The following MAN2C1 variants were observed in gnomAD, a reference collection of about 807,000 sequenced individuals.
MAN2C1 encodes mannosidase alpha class 2C member 1.
Under a neutral mutation model 126.9 loss-of-function variants are expected in MAN2C1, and 111 were observed. The observed-to-expected ratio is 0.87, with a 90% CI of 0.75 to 1.02. MAN2C1 has a LOEUF of 1.02. Among genes scored for constraint, MAN2C1 ranks in the 50% least tolerant of loss-of-function variants. The probability of loss-of-function intolerance (pLI) is 0.00; values close to 1 mark genes in which losing one functional copy is unlikely to be tolerated. For missense variants in MAN2C1, 1,363 were observed against 1,364.4 expected, an observed-to-expected ratio of 1.00 and a Z score of 0.02; for synonymous variants, 567 against 561.5, an observed-to-expected ratio of 1.01 and a Z score of -0.14.
chr15:75,362,819 G>T lies in MAN2C1; in HGVS notation c.791-71C>A. ...CCAGGCCTGGGCTGGGACTCCAGAG[G>T]GTCACCTAGCCCCCCTCCCATCCCA... On this transcript the variant is annotated intron_variant, in intron 6 of 25. Transcript: ENST00000267978. The surrounding 1 kb of genome is among the most constrained non-coding windows in gnomAD (Gnocchi z 4.5). 7.6e-7 allele frequency: 1 copy of T among 1,310,392 alleles called. No individual in the cohort carries two copies. The highest frequency in any genetic ancestry group is 1.1e-6 in the Non-Finnish European group (1 of 913,480). 81.2% of individuals were successfully genotyped at this position (1,310,392 alleles called of 1,614,324 possible). A position where few individuals can be genotyped will look rare whatever the true frequency, so the allele number is the denominator to read the frequency against.
At position 75,362,087 on chromosome 15, in the gene MAN2C1, C is replaced by A; in HGVS notation, c.1009-140G>T. 1 of 721,574 alleles carries A rather than the reference C, an allele frequency of 1.4e-6. No individual in the cohort carries two copies. Among genetic ancestry groups the A allele is most frequent in the East Asian group, 2.6e-5 (1 of 38,218 alleles). The allele number at this position is 721,574 out of a possible 1,614,324, so 44.7% of individuals were successfully genotyped here. ...TACAGCCAGAACTCAGGAAGGGCCC[C>A]TGTCCTTCAGGCCTGACTGTCCATC... On this transcript the variant is annotated intron_variant, in intron 8 of 25. Coordinates refer to ENST00000267978, the MANE Select transcript of MAN2C1 (RefSeq NM_006715.4). This position sits in a 1 kb window ranked among gnomAD's most constrained non-coding sequence, Gnocchi z 4.5.
rs556231443 is a variant in MAN2C1 at position 75,362,754 on chromosome 15, C to A, written c.791-6G>T. ...TTTGAAGGGCCAAAGCCAGGCTATA[C>A]GGGGAGTGAGGTGGAGGACAGAGGG... is the stretch of plus-strand genomic sequence containing the variant. On this transcript the variant is annotated splice_polypyrimidine_tract_variant and splice_region_variant and intron_variant, in intron 6 of 25. Coordinates refer to ENST00000267978, the MANE Select transcript of MAN2C1 (RefSeq NM_006715.4). The surrounding 1 kb of genome is among the most constrained non-coding windows in gnomAD (Gnocchi z 4.5). 2 of 1,613,138 alleles carry A rather than the reference C, an allele frequency of 1.2e-6. No individual in the cohort carries two copies. The highest frequency in any genetic ancestry group is 1.1e-5 in the South Asian group (1 of 91,038).
At position 75,362,467 on chromosome 15, in the gene MAN2C1, G is replaced by A; in HGVS notation, c.898-14C>T. The stretch of plus-strand genomic sequence containing the variant: ...CAGCTGCTGCGCCTGTGGGCAGGTT[G>A]AAGGGAGCTGGGACCAGAGTGACAA... On this transcript the variant is annotated splice_polypyrimidine_tract_variant and intron_variant, in intron 7 of 25. Coordinates refer to ENST00000267978, the MANE Select transcript of MAN2C1 (RefSeq NM_006715.4). The surrounding 1 kb of genome is among the most constrained non-coding windows in gnomAD (Gnocchi z 4.5). 4 of 1,593,956 alleles carry A rather than the reference G, an allele frequency of 2.5e-6. No homozygotes were observed. The highest frequency in any genetic ancestry group is 3.4e-6 in the Non-Finnish European group (4 of 1,170,106).
chr15:75,358,404 T>C (rs1401922726), intron 20 of MAN2C1, 58 bp downstream of exon 20: 1 of 1,613,024 alleles, frequency 6.2e-7, no homozygotes, highest in African/African-American at 1.3e-5. Context: ...GGCCTGGGGC[T>C]GGCCCCTCCT....
chr15:75,356,055 A>G lies in MAN2C1; in HGVS notation c.2997-23T>C. ...CAGCTGGAGAACAGGAGGGGCCATG[A>G]AGGCTCTGCGAGGGCGAGACTCGAC... On this transcript the variant is annotated intron_variant, in intron 25 of 25. Transcript: ENST00000267978. This position sits in a 1 kb window ranked among gnomAD's most constrained non-coding sequence, Gnocchi z 5.8. 6.2e-7 allele frequency: 1 copy of G among 1,613,780 alleles called. No homozygotes were observed. Among genetic ancestry groups the G allele is most frequent in the Non-Finnish European group, 8.5e-7 (1 of 1,179,866 alleles).
chr15:75,365,678 A>G, intron 4 of MAN2C1: 1 of 209,756 alleles, frequency 4.8e-6, no homozygotes, highest in South Asian at 5.3e-5. Context: ...GTGAGCCGAG[A>G]TCGTGCCATT....
intron 21 of MAN2C1, 187 bp from the exon 22 acceptor site, chr15:75,357,089 C>T (rs1160440020): frequency 3.4e-5 from 20 of 596,186 alleles, no homozygotes; most frequent in East Asian, 2.2e-4. Context: ...ATCTGTGAAA[C>T]GGGAATAAAT....
chr15:75,358,821 G>A lies in MAN2C1; in HGVS notation c.2142-13C>T. 1 of 1,603,176 alleles carries A rather than the reference G, an allele frequency of 6.2e-7. No homozygotes were observed. The highest frequency in any genetic ancestry group is 8.5e-7 in the Non-Finnish European group (1 of 1,171,212). ...AGCAATGGCCTCCCTGGAAGGACAT[G>A]GGATTGGTGCTGTACAACCAACTGA... On this transcript the variant is annotated splice_polypyrimidine_tract_variant and intron_variant, in intron 18 of 25. Transcript: ENST00000267978.
chr15:75,362,700 C>T lies in MAN2C1; in HGVS notation c.839G>A (p.Trp280Ter), dbSNP rs1423954659. Residue 280 changes from tryptophan to a stop codon, truncating the protein, a stop_gained, in exon 7 of 26, where the codon TGG becomes TAG. Coordinates refer to ENST00000267978, the MANE Select transcript of MAN2C1 (RefSeq NM_006715.4). LOFTEE classifies it high-confidence loss of function. The surrounding 1 kb of genome is among the most constrained non-coding windows in gnomAD (Gnocchi z 4.5). ...CTCCATGAGCTGCAGGGCGGTCACC[C>T]AGCTCCGGGCACATTTCCTCACAGT... is the stretch of plus-strand genomic sequence containing the variant. ...KETVRKCARS[W>*]VTALQLMERN... is the part of the protein sequence containing the mutation. 1 of 1,614,024 alleles carries T rather than the reference C, an allele frequency of 6.2e-7. No homozygotes were observed. The highest frequency in any genetic ancestry group is 1.3e-5 in the African/African-American group (1 of 74,936).
Position 75,358,581 on chromosome 15 carries a change from C to A in MAN2C1, c.2284G>T (p.Gly762Cys). The A allele has an allele frequency of 1.2e-6, 2 of 1,613,372 alleles. No individual in the cohort carries two copies. The highest frequency in any genetic ancestry group is 1.7e-6 in the Non-Finnish European group (2 of 1,179,988). The change falls in exon 20 of 26, where the codon GGC becomes TGC. Residue 762 changes from glycine (G) to cysteine (C), a missense_variant. Transcript: ENST00000267978. ...VLGQAGTLAV[G>C]TEGGLRGSAW... is the part of the protein sequence containing the mutation. ...CTGCCCCGCAGGCCGCCCTCGGTGC[C>A]CACTGCCAGGGTCCCTGCCTGGCCC... is the stretch of plus-strand genomic sequence containing the variant.
At chr15:75,367,433 A>C in intron 3 of MAN2C1, 78 bp downstream of exon 3, 1 of 1,544,972 alleles carries the variant, frequency 6.5e-7, no homozygotes. Flanking sequence ...TGGCTTCTCC[A>C]GAGTCCACAG....
intron 6 of MAN2C1, chr15:75,363,172 G>GTTCC: frequency 2.2e-6 from 1 of 457,622 alleles, no homozygotes; most frequent in Non-Finnish European, 4.4e-6. Context: ...CCAGGCTGCA[G>GTTCC]TTCCTCCCTT....
Position 75,356,133 on chromosome 15 carries a change from C to T in MAN2C1, c.2973G>A (p.Ser991=), listed in dbSNP as rs775597447. The T allele has an allele frequency of 1.1e-5, 17 of 1,613,756 alleles. No homozygotes were observed. Among genetic ancestry groups the T allele is most frequent in the Admixed American group, 5.0e-5 (3 of 60,028 alleles). Residue 991 remains serine (S), a synonymous_variant, in exon 25 of 26, where the codon TCG becomes TCA. Coordinates refer to ENST00000267978, the MANE Select transcript of MAN2C1 (RefSeq NM_006715.4). The surrounding 1 kb of genome is among the most constrained non-coding windows in gnomAD (Gnocchi z 5.8). ...GSHVDCWLHL[S]LPVQEAILCD... is the part of the protein sequence containing the mutation. ...ACAGGATGGCCTCCTGAACCGGCAGCGACAAGTGCAGCCAGCAGTCCACGT... is the reference window on the plus strand; with the variant it reads ...ACAGGATGGCCTCCTGAACCGGCAGTGACAAGTGCAGCCAGCAGTCCACGT...
In MAN2C1 at chr15:75,364,282, AC is replaced by A; in HGVS notation, c.601-95del. 2.2e-6 allele frequency: 3 copies of A among 1,378,014 alleles called. No homozygotes were observed. The South Asian group carries it at 4.5e-5, about 20-fold the overall frequency. The allele number at this position is 1,378,014 out of a possible 1,614,324, so 85.4% of individuals were successfully genotyped here. On this transcript the variant is annotated intron_variant, in intron 5 of 25. Coordinates refer to ENST00000267978, the MANE Select transcript of MAN2C1 (RefSeq NM_006715.4). Reference sequence around the variant, plus strand: ...CAGGGCTCTCAGCAGAGCTCCCCTGACCCCCAACCCTTTTTCCCTGCTGGTC... The same window carrying A: ...CAGGGCTCTCAGCAGAGCTCCCCTGACCCCAACCCTTTTTCCCTGCTGGTC...
At position 75,356,539 on chromosome 15, in the gene MAN2C1, T is replaced by G; in HGVS notation, c.2737+67A>C. 6.4e-7 allele frequency: 1 copy of G among 1,550,906 alleles called. No homozygotes were observed. ...GGGCAGGAAGCCAGGTTGCTGGGGT[T>G]TGGGCTCAGGGAAGGGCAGAGAGGT... On this transcript the variant is annotated intron_variant, in intron 23 of 25. Transcript: ENST00000267978. This position sits in a 1 kb window ranked among gnomAD's most constrained non-coding sequence, Gnocchi z 5.8.
chr15:75,357,621 T>TG (rs1231370736), intron 21 of MAN2C1: 1 of 143,928 alleles, frequency 6.9e-6, no homozygotes, highest in Non-Finnish European at 1.5e-5. Context: ...TTTTGTATTT[T>TG]TTTTTTTTTT....
rs1316174597 is a variant in MAN2C1, at chr15:75,356,442, G to C, written c.2745C>G (p.Phe915Leu). Residue 915 changes from phenylalanine to leucine, a missense_variant, in exon 24 of 26, where the codon TTC becomes TTG. Transcript: ENST00000267978. The surrounding 1 kb of genome is among the most constrained non-coding windows in gnomAD (Gnocchi z 5.8). ...TYALMPHKGS[F>L]QDAGVIQAAY... The stretch of plus-strand genomic sequence containing the variant: ...CAGCTTGGATAACGCCAGCATCCTG[G>C]AAAGAGCCTGGGGTACGACCAGGAA... 2 of 1,600,228 alleles carry C rather than the reference G, an allele frequency of 1.2e-6. No homozygotes were observed. Among genetic ancestry groups the C allele is most frequent in the Non-Finnish European group, 1.7e-6 (2 of 1,174,466 alleles).
rs898140163 is a variant in MAN2C1, at chr15:75,361,482, C to T, written c.1219-101G>A. On this transcript the variant is annotated intron_variant, in intron 10 of 25. Transcript: ENST00000267978. This position sits in a 1 kb window ranked among gnomAD's most constrained non-coding sequence, Gnocchi z 5.0. The stretch of plus-strand genomic sequence containing the variant: ...GTCCTGCCCCTGCCTGCTATGTGAC[C>T]CTGGCAGAGGCAGAGTGAGGGTTTG... 2 of 1,268,560 alleles carry T rather than the reference C, an allele frequency of 1.6e-6. No individual in the cohort carries two copies. Among genetic ancestry groups the T allele is most frequent in the Non-Finnish European group, 2.3e-6 (2 of 869,292 alleles). The allele number at this position is 1,268,560 out of a possible 1,614,324, so 78.6% of individuals were successfully genotyped here.
At chr15:75,359,447 C>G in intron 16 of MAN2C1, 22 bp from the exon 17 acceptor site, 1 of 1,601,040 alleles carries the variant, frequency 6.2e-7, no homozygotes, top group South Asian at 1.1e-5. Flanking sequence ...GCCTGGGCAT[C>G]AGTGCAGCCT....
Sources: allele counts gnomAD v4.1 joint callset, GRCh38; gene constraint gnomAD v4.1.1; non-coding constraint Gnocchi (gnomAD v3.1); transcripts MANE v1.5; gene names NCBI Gene and HGNC (gene_info 2026-07-23, HGNC 2026-07-21).